WDR88: variants seen among roughly 807,000 people sequenced by gnomAD.
WDR88 encodes the protein WD repeat domain 88.
A neutral mutation model predicts 46.8 loss-of-function variants in WDR88; 40 were observed. The observed-to-expected ratio is 0.86, with a 90% CI of 0.66 to 1.11. The LOEUF (loss-of-function observed/expected upper bound fraction) is 1.11. Among genes scored for constraint, WDR88 ranks in the 50% most tolerant of loss-of-function variants. The pLI is 0.00. For missense variants in WDR88, 562 were observed against 602.4 expected (o/e 0.93, Z 0.70); for synonymous variants, 235 against 240.7 (o/e 0.98, Z 0.22).
At chr19:33,133,184 TAAATAA>T (rs1233472158) in intron 1 of WDR88, among the ~76,000 whole-genome samples, 7 of 88,978 alleles carry the variant, frequency 7.9e-5, no homozygotes, top group African/African-American at 2.3e-4. Context: ...AATAAATAAA[TAAATAA>T]ATAAATATAG....
chr19:33,166,028 G>C (rs567846766), intron 9 of WDR88, among the ~76,000 whole-genome samples: 55 of 152,192 alleles, frequency 3.6e-4, no homozygotes, highest in Admixed American at 3.5e-3. Flanking sequence ...GGGAGGTTAA[G>C]GTGGGAGGAT....
chr19:33,167,138 A>G (rs1973965920), intron 9 of WDR88, among the ~76,000 whole-genome samples: 1 of 152,200 alleles, frequency 6.6e-6, no homozygotes, highest in Non-Finnish European at 1.5e-5. Context: ...CCAATATCTC[A>G]TATTAATATA....
chr19:33,133,198 T>TAAATAAATATATAG (rs1555723214), intron 1 of WDR88, among the ~76,000 whole-genome samples: 55 of 79,816 alleles, frequency 6.9e-4, no homozygotes, highest in African/African-American at 1.6e-3. Flanking sequence ...TAAATAAATA[T>TAAATAAATATATAG]AGAGAGAGAG....
intron 9 of WDR88, among the ~76,000 whole-genome samples, chr19:33,170,631 T>C (rs950866836): frequency 6.6e-6 from 1 of 151,930 alleles, no homozygotes; most frequent in Non-Finnish European, 1.5e-5. Flanking sequence ...GAGGCTGAGA[T>C]GGGCACATTG....
chr19:33,148,696 C>A, intron 4 of WDR88, 76 bp from the exon 5 acceptor site: 1 of 1,583,788 alleles, frequency 6.3e-7, no homozygotes, highest in Non-Finnish European at 8.6e-7. Flanking sequence ...GCCTTGGCCT[C>A]CCAAAGCACT....
At chr19:33,149,205 C>T (rs1393149554) in intron 5 of WDR88, among the ~76,000 whole-genome samples, 1 of 152,056 alleles carries the variant, frequency 6.6e-6, no homozygotes, top group Non-Finnish European at 1.5e-5. Context: ...CACCTGTAGT[C>T]CCAGCTGCTT....
At chr19:33,135,579 G>A (rs1286961508) in intron 1 of WDR88, among the ~76,000 whole-genome samples, 3 of 151,952 alleles carry the variant, frequency 2.0e-5, no homozygotes, top group African/African-American at 7.2e-5. Context: ...CACCATGCCC[G>A]GCTAATTTTT....
intron 10 of WDR88, among the ~76,000 whole-genome samples, chr19:33,173,257 G>A (rs1432081658): frequency 6.6e-6 from 1 of 152,170 alleles, no homozygotes; most frequent in Non-Finnish European, 1.5e-5. Flanking sequence ...GGTCAGTGGA[G>A]GAATGGCCGG....
chr19:33,153,730 T>C (rs1274421953), intron 6 of WDR88, among the ~76,000 whole-genome samples: 2 of 152,124 alleles, frequency 1.3e-5, no homozygotes, highest in Admixed American at 1.3e-4. Context: ...CCTGACCTTG[T>C]GATCCACCCA....
At chr19:33,133,675 G>T (rs1446354290) in intron 1 of WDR88, among the ~76,000 whole-genome samples, 1 of 152,206 alleles carries the variant, frequency 6.6e-6, no homozygotes, top group Non-Finnish European at 1.5e-5. Context: ...TTAAGATGAA[G>T]TCTGGCGATC....
At chr19:33,159,155 A>AC (rs1407484416) in intron 7 of WDR88, among the ~76,000 whole-genome samples, 5 of 148,692 alleles carry the variant, frequency 3.4e-5, no homozygotes, top group African/African-American at 1.2e-4. Flanking sequence ...ACATAGTGAG[A>AC]CCCCATCTCT....
At chr19:33,173,091 CAAAAAAAAAAAAAAAAA>C (rs60495323) in intron 10 of WDR88, among the ~76,000 whole-genome samples, 2 of 57,278 alleles carry the variant, frequency 3.5e-5, no homozygotes, top group African/African-American at 1.5e-4. Flanking sequence ...GACTCTGTCT[CAAAAAAAAAAAAAAAAA>C]AAAAAAAAAA....
At chr19:33,133,241 AAAG>A (rs1015834036) in intron 1 of WDR88, among the ~76,000 whole-genome samples, 36 of 146,634 alleles carry the variant, frequency 2.5e-4, no homozygotes, top group African/African-American at 8.9e-4. Flanking sequence ...AAAAAGAAAG[AAAG>A]AAGGAGAAAG....
In WDR88 at chr19:33,138,489, A is replaced by G. The variant is rs528338302; in HGVS notation, c.387+702A>G. Among the ~76,000 whole-genome samples the G allele has an allele frequency of 9.9e-4, 151 of 152,174 alleles. 1 individual carries two copies. The highest frequency in any genetic ancestry group is 3.5e-3 in the African/African-American group (145 of 41,534). On this transcript the variant is annotated intron_variant, in intron 2 of 10. Transcript: ENST00000355868. ...CAGCCTCCTGAGTAGCTAGGACTACAGGTGTGTGCCACTACTCCTGGCTAA... is the reference window on the plus strand; with the variant it reads ...CAGCCTCCTGAGTAGCTAGGACTACGGGTGTGTGCCACTACTCCTGGCTAA...
rs768074868 is a variant in WDR88 at position 33,175,443 on chromosome 19, T to C, written c.1290T>C (p.Ser430=). The change falls in exon 11 of 11, where the codon TCT becomes TCC. Residue 430 remains serine (S), a synonymous_variant. Coordinates refer to ENST00000355868, the MANE Select transcript of WDR88 (RefSeq NM_173479.4). ...TCTCCATCTTCAAGAGTGACACCTC[T>C]TCTGAAATGTTCACCCAATGCGTGT... ...RPFSIFKSDT[S]SEMFTQCVFC... 1 of 1,614,160 alleles carries C rather than the reference T, an allele frequency of 6.2e-7. No individual in the cohort carries two copies. The highest frequency in any genetic ancestry group is 1.7e-5 in the Admixed American group (1 of 60,010).
intron 10 of WDR88, among the ~76,000 whole-genome samples, chr19:33,173,039 T>A (rs1245578025): frequency 3.0e-5 from 4 of 132,042 alleles, no homozygotes; most frequent in African/African-American, 1.2e-4. Flanking sequence ...TTGCAGTGAG[T>A]TGAGATTGCG....
At chr19:33,134,030 G>A (rs1354650170) in intron 1 of WDR88, among the ~76,000 whole-genome samples, 1 of 152,250 alleles carries the variant, frequency 6.6e-6, no homozygotes, top group Non-Finnish European at 1.5e-5. Context: ...GGCTCTTGAG[G>A]TTTATTTGTG....
At chr19:33,168,139 T>C (rs1973984477) in intron 9 of WDR88, among the ~76,000 whole-genome samples, 1 of 152,072 alleles carries the variant, frequency 6.6e-6, no homozygotes, top group Admixed American at 6.6e-5. Context: ...GCAATTCTCC[T>C]GCTTCAGCCT....
At chr19:33,172,193 C>T (rs528174593) in intron 9 of WDR88, among the ~76,000 whole-genome samples, 155 bp from the exon 10 acceptor site, 1 of 152,294 alleles carries the variant, frequency 6.6e-6, no homozygotes, top group East Asian at 1.9e-4. Flanking sequence ...TCTGTAGCCT[C>T]TTCAGGTTGG....
Sources: allele counts gnomAD v4.1 joint callset (sites outside exome capture counted in the v4.1 genomes callset), GRCh38; gene constraint gnomAD v4.1.1; transcripts MANE v1.5; gene names NCBI Gene and HGNC (gene_info 2026-07-23, HGNC 2026-07-21).